Variants in RBM33 observed in about 807,000 individuals in gnomAD.
The protein encoded by RBM33 is RNA binding motif protein 33, also known as RNA-binding protein 33.
A neutral mutation model predicts 132.6 loss-of-function variants in RBM33; 28 were observed. The observed-to-expected ratio is 0.21, with a 90% confidence interval of 0.16 to 0.29. The LOEUF is 0.29. RBM33 is among the 10% of genes least tolerant of loss of function. RBM33 has a pLI of 1.00. For missense variants in RBM33, 1,291 were observed against 1,518.5 expected (o/e 0.85, Z 2.49); for synonymous variants, 634 against 593.0 (o/e 1.07, Z -1.01).
intron 4 of RBM33, 140 bp downstream of exon 4, chr7:155,678,824 G>A (rs1799255841): frequency 5.3e-6 from 3 of 570,540 alleles, no homozygotes. Context: ...TGGAATACTA[G>A]TAATAACTGT....
At chr7:155,698,892 T>G (rs575220912) in intron 5 of RBM33, among the ~76,000 whole-genome samples, 1 of 152,394 alleles carries the variant, frequency 6.6e-6, no homozygotes, top group African/African-American at 2.4e-5. Flanking sequence ...TACAAGAGTT[T>G]ATCCATTCAT....
intron 16 of RBM33, 69 bp downstream of exon 16, chr7:155,766,724 A>G: frequency 6.9e-7 from 1 of 1,442,024 alleles, no homozygotes; most frequent in Non-Finnish European, 9.5e-7. Flanking sequence ...TTCTTGATTT[A>G]AAACACAGTG....
intron 1 of RBM33, among the ~76,000 whole-genome samples, chr7:155,662,869 A>G (rs1469612630): frequency 6.6e-6 from 1 of 152,002 alleles, no homozygotes; most frequent in Non-Finnish European, 1.5e-5. Flanking sequence ...CTGAGTGGGG[A>G]GGGCGTCCTG....
chr7:155,747,894 A>C (rs1344083849), intron 14 of RBM33, among the ~76,000 whole-genome samples: 2 of 152,354 alleles, frequency 1.3e-5, no homozygotes, highest in East Asian at 3.9e-4. Flanking sequence ...TATTTTTGAG[A>C]GAACATATTC....
intron 1 of RBM33, among the ~76,000 whole-genome samples, chr7:155,662,418 G>C (rs1405236837): frequency 6.6e-6 from 1 of 152,110 alleles, no homozygotes; most frequent in Non-Finnish European, 1.5e-5. Flanking sequence ...GCTCTCACCA[G>C]AACTCTCCCT....
At chr7:155,758,721 C>T (rs950840939) in intron 14 of RBM33, among the ~76,000 whole-genome samples, 1 of 152,160 alleles carries the variant, frequency 6.6e-6, no homozygotes, top group African/African-American at 2.4e-5. Context: ...TAGGAAGAGT[C>T]TTTCCTTGAA....
At chr7:155,716,269 G>C (rs1333150242) in intron 8 of RBM33, among the ~76,000 whole-genome samples, 2 of 138,304 alleles carry the variant, frequency 1.4e-5, no homozygotes, top group African/African-American at 5.3e-5. Flanking sequence ...GGACTGGACT[G>C]TCCGCACGCA....
chr7:155,665,459 G>GCTGC (rs1798776434), intron 2 of RBM33, among the ~76,000 whole-genome samples: 1 of 152,210 alleles, frequency 6.6e-6, no homozygotes, highest in African/African-American at 2.4e-5. Context: ...TGTGTGGAGG[G>GCTGC]CTGCCAATAG....
chr7:155,737,084 T>C lies in RBM33; in HGVS notation c.1261-446T>C, dbSNP rs79675850. On this transcript the variant is annotated intron_variant, in intron 9 of 17. Coordinates refer to ENST00000401878, the MANE Select transcript of RBM33 (RefSeq NM_053043.3). Reference sequence around the variant, plus strand: ...ATAATAGTGTATTTTATTGTAACCTTTTCTAGGGTTGGATATGTTTACATC... The same window carrying C: ...ATAATAGTGTATTTTATTGTAACCTCTTCTAGGGTTGGATATGTTTACATC... 6.3e-3 allele frequency among the ~76,000 whole-genome samples: 957 copies of C among 152,316 alleles called. 17 individuals carry two copies. The highest frequency in any genetic ancestry group is 0.021 in the African/African-American group (890 of 41,562).
chr7:155,675,653 T>C (rs970506180), intron 3 of RBM33, among the ~76,000 whole-genome samples: 1 of 152,190 alleles, frequency 6.6e-6, no homozygotes, highest in Non-Finnish European at 1.5e-5. Context: ...CCCTACCTCC[T>C]GAATCATTTT....
rs1798774300 is a variant in RBM33, at chr7:155,665,372, T to G, written c.122+119T>G. Reference sequence around the variant, plus strand: ...TGACTACCTGGCGCTCTCTCTTGAGTGGGGCTGTCCCTCCTGAGCTAAAGT... The same window carrying G: ...TGACTACCTGGCGCTCTCTCTTGAGGGGGGCTGTCCCTCCTGAGCTAAAGT... On this transcript the variant is annotated intron_variant, in intron 2 of 17. Transcript: ENST00000401878. The G allele has an allele frequency of 3.7e-6, 3 of 821,688 alleles. No individual in the cohort carries two copies. In the Admixed American group the frequency reaches 6.1e-5, roughly 17 times the overall value. 50.9% of individuals were successfully genotyped at this position (821,688 alleles called of 1,614,324 possible). A position where few individuals can be genotyped will look rare whatever the true frequency, so the allele number is the denominator to read the frequency against.
At chr7:155,678,566 A>G (rs1273596370) in intron 3 of RBM33, 42 bp from the exon 4 acceptor site, 1 of 1,230,322 alleles carries the variant, frequency 8.1e-7, no homozygotes, top group Admixed American at 2.2e-5. Context: ...AAGTCTTTTT[A>G]TGGAAGTGAC....
intron 1 of RBM33, among the ~76,000 whole-genome samples, chr7:155,646,678 A>G (rs774991018): frequency 6.6e-6 from 1 of 152,196 alleles, no homozygotes; most frequent in East Asian, 1.9e-4. Flanking sequence ...TGAGGAATGT[A>G]TGTCCGTTGC....
chr7:155,653,017 C>T (rs1027854822), intron 1 of RBM33, among the ~76,000 whole-genome samples: 3 of 152,164 alleles, frequency 2.0e-5, no homozygotes, highest in Non-Finnish European at 2.9e-5. Context: ...TCATCAGTGT[C>T]GTAGCATGTG....
intron 15 of RBM33, among the ~76,000 whole-genome samples, chr7:155,764,226 A>G (rs543984561): frequency 6.6e-6 from 1 of 152,324 alleles, no homozygotes; most frequent in East Asian, 1.9e-4. Flanking sequence ...GAGCAAACCC[A>G]GAAGAGCACC....
At chr7:155,750,626 A>AG (rs1801660175) in intron 14 of RBM33, among the ~76,000 whole-genome samples, 1 of 152,196 alleles carries the variant, frequency 6.6e-6, no homozygotes, top group South Asian at 2.1e-4. Flanking sequence ...GATCCTTGTA[A>AG]GGATTAAACG....
chr7:155,777,569 C>T lies in RBM33; in HGVS notation c.*2528C>T, dbSNP rs1270074827. On this transcript the variant is annotated 3_prime_UTR_variant, in exon 18 of 18. Transcript: ENST00000401878. The stretch of plus-strand genomic sequence containing the variant: ...TGAAGTCAGCCCACACCAGCCAAAC[C>T]CTCGTGGAAGATCTGCTGCAACCAT... The T allele has an allele frequency of 6.6e-6, 1 of 152,414 alleles. No homozygotes were observed. Among genetic ancestry groups the T allele is most frequent in the Non-Finnish European group, 1.5e-5 (1 of 68,032 alleles). The allele number at this position is 152,414 out of a possible 1,614,324, so 9.4% of individuals were successfully genotyped here.
chr7:155,677,040 A>T (rs1799202914), intron 3 of RBM33, among the ~76,000 whole-genome samples: 1 of 152,050 alleles, frequency 6.6e-6, no homozygotes, highest in Admixed American at 6.6e-5. Context: ...TGAATTATTA[A>T]TTTTTAAAGC....
chr7:155,668,802 G>A (rs1256412145), intron 2 of RBM33, among the ~76,000 whole-genome samples: 1 of 152,140 alleles, frequency 6.6e-6, no homozygotes, highest in Non-Finnish European at 1.5e-5. Flanking sequence ...TTAAATGTTG[G>A]TTGTGTTGAA....
Sources: gnomAD v4.1 joint callset for allele counts (sites outside exome capture counted in the v4.1 genomes callset) on GRCh38, gnomAD v4.1.1 for gene constraint, MANE v1.5 for transcripts, NCBI Gene and HGNC (gene_info 2026-07-23, HGNC 2026-07-21) for gene names.